The following SEC31A variants were observed in gnomAD, a reference collection of about 807,000 sequenced individuals.
SEC31A encodes the protein protein transport protein Sec31A.
In SEC31A, 70 loss-of-function variants were observed where a neutral mutation model predicts 151.0. That is an observed-to-expected ratio of 0.46 (90% CI 0.38 to 0.57). The LOEUF (loss-of-function observed/expected upper bound fraction) is 0.57, where lower values mean the gene tolerates loss of function less well. Among genes scored for constraint, SEC31A ranks in the 20% least tolerant of loss-of-function variants. The pLI is 0.00. For synonymous variants in SEC31A, 475 were observed against 505.9 expected (o/e 0.94, Z 0.82); for missense variants, 1,330 against 1,471.2 (o/e 0.90, Z 1.57).
chr4:82,878,820 A>G lies in SEC31A; in HGVS notation c.312T>C (p.Ser104=), dbSNP rs1420635286. The G allele has an allele frequency of 6.2e-6, 10 of 1,613,864 alleles. No homozygotes were observed. The highest frequency in any genetic ancestry group is 8.5e-6 in the Non-Finnish European group (10 of 1,179,848). The part of the protein sequence containing the change: ...ENGNIILYDP[S]KIIAGDKEVV... ...CTTCCTTGTCTCCAGCTATAATTTTAGAAGGATCATAGAGAATAATATTTC... is the reference window on the plus strand; with the variant it reads ...CTTCCTTGTCTCCAGCTATAATTTTGGAAGGATCATAGAGAATAATATTTC... Residue 104 remains serine (S), a synonymous_variant, in exon 4 of 27, where the codon TCT becomes TCC. Transcript: ENST00000395310.
At chr4:82,824,528 A>G in intron 25 of SEC31A, 27 bp downstream of exon 25, 1 of 1,605,880 alleles carries the variant, frequency 6.2e-7, no homozygotes, top group Non-Finnish European at 8.5e-7. Flanking sequence ...ATTAAGCAAA[A>G]TATGATTTAA....
intron 21 of SEC31A, 31 bp downstream of exon 21, chr4:82,844,355 T>C: frequency 6.2e-7 from 1 of 1,606,504 alleles, no homozygotes; most frequent in Non-Finnish European, 8.5e-7. Context: ...TAAATACTGC[T>C]CTGAAAGGAC....
At chr4:82,900,013 A>C (rs1720245957) in intron 2 of SEC31A, 1 of 152,282 alleles carries the variant, frequency 6.6e-6, no homozygotes, top group Admixed American at 6.5e-5. Flanking sequence ...ATTCCCAACC[A>C]AAACCACTTA....
chr4:82,867,058 T>A, intron 9 of SEC31A, 97 bp downstream of exon 9: 1 of 1,541,976 alleles, frequency 6.5e-7, no homozygotes, highest in South Asian at 1.2e-5. Context: ...ATTGTCCAAT[T>A]AACCAGCATT....
chr4:82,869,214 G>A (rs6828567), intron 8 of SEC31A, among the ~76,000 whole-genome samples: 112,520 of 151,702 alleles, frequency 0.74, 42,113 homozygotes, highest in Admixed American at 0.79. Context: ...CCGCCTCCCA[G>A]GTTCATCCCA....
chr4:82,844,013 C>T (rs139017143), intron 21 of SEC31A: 81 of 215,456 alleles, frequency 3.8e-4, no homozygotes, highest in African/African-American at 1.7e-3. Flanking sequence ...TAACAAATGC[C>T]CCTTGAAACC....
chr4:82,865,436 G>C (rs1237099654), intron 10 of SEC31A, among the ~76,000 whole-genome samples: 1 of 151,586 alleles, frequency 6.6e-6, no homozygotes, highest in Non-Finnish European at 1.5e-5. Flanking sequence ...ATCCCAAAAT[G>C]ATAATTACAA....
rs1384743553 is a variant in SEC31A, at chr4:82,845,286, A to G, written c.2503-777T>C. ...ACTCCAGGTAGTGACAGTAGGGGCA[A>G]TTCTAACCTGAATTGAACAAAGAAA... On this transcript the variant is annotated intron_variant, in intron 20 of 26. Transcript: ENST00000395310. 3 of 1,513,312 alleles carry G rather than the reference A, an allele frequency of 2.0e-6. No individual in the cohort carries two copies. In the South Asian group the frequency reaches 3.7e-5, roughly 19 times the overall value. 93.7% of individuals were successfully genotyped at this position (1,513,312 alleles called of 1,614,324 possible).
chr4:82,821,622 G>C (rs1174211134), intron 25 of SEC31A, among the ~76,000 whole-genome samples: 3 of 151,748 alleles, frequency 2.0e-5, no homozygotes, highest in African/African-American at 7.3e-5. Context: ...CAAGGGTGGA[G>C]GGTGGAGGGG....
At chr4:82,894,993 A>G (rs1481029447), upstream of SEC31A, 3 of 152,370 alleles carry the variant, frequency 2.0e-5, no homozygotes, top group South Asian at 4.1e-4. Flanking sequence ...AACAACTACA[A>G]TAACAAGCCT....
chr4:82,848,644 T>A lies in SEC31A; in HGVS notation c.2502+160A>T, dbSNP rs565906830. 3.9e-5 allele frequency among the ~76,000 whole-genome samples: 6 copies of A among 152,302 alleles called. No individual in the cohort carries two copies. In the South Asian group the frequency reaches 1.2e-3, roughly 32 times the overall value. ...GAGAGAGATGATTTCAAAAAGTAGATCACAAATACAACTTCAAGATTCTAG... is the reference window on the plus strand; with the variant it reads ...GAGAGAGATGATTTCAAAAAGTAGAACACAAATACAACTTCAAGATTCTAG... On this transcript the variant is annotated intron_variant, in intron 20 of 26. Coordinates refer to ENST00000395310, the MANE Select transcript of SEC31A (RefSeq NM_001077207.4).
At chr4:82,891,262 C>G, upstream of SEC31A, 1 of 1,290,302 alleles carries the variant, frequency 7.8e-7, no homozygotes, top group Non-Finnish European at 1.1e-6. Flanking sequence ...CGACATCTTT[C>G]CCCGCCCACC....
chr4:82,844,155 T>C, intron 21 of SEC31A: 1 of 400,706 alleles, frequency 2.5e-6, no homozygotes, highest in Non-Finnish European at 4.4e-6. Flanking sequence ...TAGTAATGGC[T>C]GAGGAACAGG....
rs1205052802 is a variant in SEC31A, at chr4:82,881,464, C to CA, written c.79+393dup. 3.9e-3 allele frequency among the ~76,000 whole-genome samples: 524 copies of CA among 135,788 alleles called. 1 individual carries two copies. The highest frequency in any genetic ancestry group is 0.012 in the African/African-American group (431 of 37,394). The allele number at this position is 135,788 out of a possible 152,430, so 89.1% of individuals were successfully genotyped here. A position where few individuals can be genotyped will look rare whatever the true frequency, so the allele number is the denominator to read the frequency against. The stretch of plus-strand genomic sequence containing the variant: ...TGGGCGAAAGAGCAAGACTCCATCT[C>CA]AAAAAAAAAAAAGTCCCGTGATTTA... On this transcript the variant is annotated intron_variant, in intron 2 of 26. Coordinates refer to ENST00000395310, the MANE Select transcript of SEC31A (RefSeq NM_001077207.4).
At chr4:82,850,672 G>T (rs1393198997) in intron 19 of SEC31A, among the ~76,000 whole-genome samples, 1 of 152,070 alleles carries the variant, frequency 6.6e-6, no homozygotes, top group Admixed American at 6.6e-5. Context: ...AACCTCACCC[G>T]TACTTTTACC....
chr4:82,872,986 T>C lies in SEC31A; in HGVS notation c.640-900A>G, dbSNP rs141101227. Among the ~76,000 whole-genome samples the C allele has an allele frequency of 2.8e-3, 423 of 152,272 alleles. 4 individuals carry two copies. Among genetic ancestry groups the C allele is most frequent in the African/African-American group, 9.4e-3 (392 of 41,548 alleles). Reference sequence around the variant, plus strand: ...TCCCAAAGTGTTAGGATTGAGCTACTGCGCCCGGCCAGTAGAGAAAACATT... The same window carrying C: ...TCCCAAAGTGTTAGGATTGAGCTACCGCGCCCGGCCAGTAGAGAAAACATT... On this transcript the variant is annotated intron_variant, in intron 6 of 26. Coordinates refer to ENST00000395310, the MANE Select transcript of SEC31A (RefSeq NM_001077207.4).
At chr4:82,899,476 G>A (rs756726675) in intron 3 of SEC31A, 5 of 152,154 alleles carry the variant, frequency 3.3e-5, no homozygotes, top group Admixed American at 6.5e-5. Flanking sequence ...AGCAGGAAAA[G>A]GCTCTAACAG....
At chr4:82,895,821 A>C (rs1238366509), upstream of SEC31A, 1 of 152,248 alleles carries the variant, frequency 6.6e-6, no homozygotes, top group Non-Finnish European at 1.5e-5. Flanking sequence ...GAAACACAAT[A>C]TATACAAGTC....
intron 6 of SEC31A, 123 bp downstream of exon 6, chr4:82,874,488 G>C (rs1737484634): frequency 1.1e-6 from 1 of 940,508 alleles, no homozygotes; most frequent in Non-Finnish European, 1.6e-6. Context: ...TAACATGACT[G>C]ATTAATAAAA....
Sources: allele counts gnomAD v4.1 joint callset (sites outside exome capture counted in the v4.1 genomes callset), GRCh38; gene constraint gnomAD v4.1.1; transcripts MANE v1.5; gene names NCBI Gene and HGNC (gene_info 2026-07-23, HGNC 2026-07-21).